Variants in PPARGC1A observed in about 807,000 individuals in gnomAD.
PPARGC1A encodes peroxisome proliferator-activated receptor gamma coactivator 1-alpha.
A neutral mutation model predicts 88.7 loss-of-function variants in PPARGC1A; 25 were observed. The ratio of observed to expected loss-of-function variants is 0.28; its 90% CI spans 0.21 to 0.39. The LOEUF is 0.39. Among genes scored for constraint, PPARGC1A ranks in the 10% least tolerant of loss-of-function variants. The pLI is 1.00. For synonymous variants in PPARGC1A, 363 were observed against 355.6 expected (o/e 1.02, Z -0.24); for missense variants, 880 against 968.7 (o/e 0.91, Z 1.22).
At chr4:23,994,484 C>A in the PPARGC1A span, among the ~76,000 whole-genome samples, 1 of 152,198 alleles carries the variant, frequency 6.6e-6, no homozygotes, top group East Asian at 1.9e-4. Flanking sequence ...AACATTTCTG[C>A]ATATTGGGCA....
the PPARGC1A span, among the ~76,000 whole-genome samples, chr4:24,230,685 A>G: frequency 6.6e-6 from 1 of 152,168 alleles, no homozygotes; most frequent in South Asian, 2.1e-4. Context: ...TGCGAAGAGA[A>G]AAGGAACTGA....
At chr4:24,328,634 G>C in the PPARGC1A span, among the ~76,000 whole-genome samples, 1 of 152,182 alleles carries the variant, frequency 6.6e-6, no homozygotes, top group Non-Finnish European at 1.5e-5. Context: ...GGCTACTTTT[G>C]ATTCAACACT....
upstream of PPARGC1A, chr4:23,899,455 A>G (rs1223593253): frequency 6.6e-6 from 1 of 152,240 alleles, no homozygotes; most frequent in Admixed American, 6.5e-5. Flanking sequence ...ACACAAAACT[A>G]CAGCTAATAA....
intron 4 of PPARGC1A, 110 bp downstream of exon 4, chr4:23,829,353 G>A: frequency 8.6e-7 from 1 of 1,163,784 alleles, no homozygotes; most frequent in South Asian, 1.5e-5. Context: ...TCATTATGAG[G>A]CAGCTTCGGG....
the PPARGC1A span, among the ~76,000 whole-genome samples, chr4:23,910,236 A>T: frequency 7.6e-5 from 8 of 105,400 alleles, 1 homozygote; most frequent in East Asian, 5.3e-4. Flanking sequence ...TATTATATAT[A>T]ATATATATAA....
At chr4:23,801,010 T>C (rs953509232) in intron 12 of PPARGC1A, among the ~76,000 whole-genome samples, 2 of 151,532 alleles carry the variant, frequency 1.3e-5, no homozygotes, top group Non-Finnish European at 2.9e-5. Context: ...TGATTTAGTA[T>C]ATGAAATTTA....
chr4:24,082,918 T>C, the PPARGC1A span, among the ~76,000 whole-genome samples: 4 of 152,184 alleles, frequency 2.6e-5, no homozygotes, highest in Non-Finnish European at 5.9e-5. Context: ...TGATTTCTTA[T>C]ATTGGCTATT....
chr4:24,102,288 T>G, the PPARGC1A span, among the ~76,000 whole-genome samples: 1 of 152,174 alleles, frequency 6.6e-6, no homozygotes, highest in East Asian at 1.9e-4. Context: ...AAACTATAGA[T>G]TCCTTTCTTT....
chr4:23,895,133 A>T (rs960631929), intron 1 of PPARGC1A, among the ~76,000 whole-genome samples: 1 of 150,466 alleles, frequency 6.6e-6, no homozygotes, highest in African/African-American at 2.4e-5. Context: ...TGCCAGGGAA[A>T]ATTAAGGTAC....
the PPARGC1A span, among the ~76,000 whole-genome samples, chr4:24,317,291 C>A: frequency 6.6e-6 from 1 of 152,062 alleles, no homozygotes; most frequent in Non-Finnish European, 1.5e-5. Context: ...ATTGATTGAG[C>A]CTGACTATAT....
chr4:24,029,218 A>G, the PPARGC1A span, among the ~76,000 whole-genome samples: 7 of 152,296 alleles, frequency 4.6e-5, no homozygotes, highest in East Asian at 1.4e-3. Context: ...TTCATGATCT[A>G]TTGGGAGAAA....
the PPARGC1A span, among the ~76,000 whole-genome samples, chr4:24,391,646 T>C: frequency 1.3e-5 from 2 of 152,180 alleles, no homozygotes; most frequent in Non-Finnish European, 1.5e-5. Context: ...TTAAAATGCA[T>C]GAAGCATTAA....
chr4:24,451,673 G>A, the PPARGC1A span, among the ~76,000 whole-genome samples: 1 of 152,138 alleles, frequency 6.6e-6, no homozygotes, highest in African/African-American at 2.4e-5. Context: ...TGCCTCCCAG[G>A]TTCAAGCCAT....
chr4:24,107,354 G>A, the PPARGC1A span, among the ~76,000 whole-genome samples: 30 of 152,278 alleles, frequency 2.0e-4, no homozygotes, highest in African/African-American at 7.0e-4. Context: ...CTCTGAAGAT[G>A]AATAACACAT....
chr4:23,820,111 T>C (rs938430916), intron 7 of PPARGC1A, among the ~76,000 whole-genome samples: 1 of 152,184 alleles, frequency 6.6e-6, no homozygotes, highest in Admixed American at 6.5e-5. Context: ...TTAATGAGTA[T>C]TTTGTTGTTG....
chr4:23,873,007 G>A (rs918899905), intron 2 of PPARGC1A, among the ~76,000 whole-genome samples: 1 of 151,676 alleles, frequency 6.6e-6, no homozygotes, highest in Non-Finnish European at 1.5e-5. Context: ...TGGCTAACAC[G>A]GTGAAACCCC....
At chr4:23,809,460 C>G (rs142738282) in intron 10 of PPARGC1A, among the ~76,000 whole-genome samples, 2 of 152,208 alleles carry the variant, frequency 1.3e-5, no homozygotes, top group African/African-American at 4.8e-5. Context: ...TCCAATTAAA[C>G]GACTAGTAGT....
At chr4:24,406,843 A>G in the PPARGC1A span, among the ~76,000 whole-genome samples, 2 of 152,212 alleles carry the variant, frequency 1.3e-5, no homozygotes, top group Non-Finnish European at 2.9e-5. Flanking sequence ...CAGCACCAAG[A>G]TGGCTTGAAA....
At chr4:24,402,360 C>A in the PPARGC1A span, among the ~76,000 whole-genome samples, 1 of 152,180 alleles carries the variant, frequency 6.6e-6, no homozygotes, top group Non-Finnish European at 1.5e-5. Context: ...AACCAACATG[C>A]GAGCTGTTTG....
Sources: allele counts gnomAD v4.1 joint callset (sites outside exome capture counted in the v4.1 genomes callset), GRCh38; gene constraint gnomAD v4.1.1; transcripts MANE v1.5; gene names NCBI Gene and HGNC (gene_info 2026-07-23, HGNC 2026-07-21).